Variants in KRT86 observed in about 807,000 individuals in gnomAD.
The protein encoded by KRT86 is keratin, type II cuticular Hb6.
Under a neutral mutation model 41.2 loss-of-function variants are expected in KRT86, and 30 were observed. That is an observed-to-expected ratio of 0.73 (90% CI 0.54 to 0.99). The LOEUF (loss-of-function observed/expected upper bound fraction) is 0.99, where lower values mean the gene tolerates loss of function less well. KRT86 is among the 50% of genes least tolerant of loss of function. The pLI, the probability that KRT86 is intolerant of heterozygous loss-of-function variation, is 0.00. For missense variants in KRT86, 561 were observed against 571.4 expected (o/e 0.98, Z 0.19); for synonymous variants, 238 against 238.1 (o/e 1.00, Z 0.00).
chr12:52,295,104 G>A (rs1036527288), intron 2 of KRT86, among the ~76,000 whole-genome samples: 2 of 152,160 alleles, frequency 1.3e-5, no homozygotes, highest in African/African-American at 4.8e-5. Flanking sequence ...TTATGCAAGA[G>A]TTTTTCTGGG....
chr12:52,299,643 T>A (rs1211586246), intron 2 of KRT86, among the ~76,000 whole-genome samples: 1 of 152,238 alleles, frequency 6.6e-6, no homozygotes, highest in Non-Finnish European at 1.5e-5. Context: ...GTCATTTTAA[T>A]TGGGTTGAGA....
At chr12:52,287,588 C>G (rs1730071919) in intron 2 of KRT86, 2 of 1,613,898 alleles carry the variant, frequency 1.2e-6, no homozygotes, top group Middle Eastern at 1.7e-4. Flanking sequence ...CGCACAGATG[C>G]CCCATACCTG....
intron 9 of KRT86, 47 bp downstream of exon 9, chr12:52,306,327 A>G (rs530607491): frequency 6.2e-7 from 1 of 1,612,502 alleles, no homozygotes; most frequent in South Asian, 1.1e-5. Flanking sequence ...CAGGGTTCTC[A>G]GTGTGCTCTG....
intron 2 of KRT86, chr12:52,287,497 G>C (rs979808341): frequency 6.8e-6 from 11 of 1,607,640 alleles, no homozygotes; most frequent in Non-Finnish European, 9.4e-6. Context: ...GACAAAGGGG[G>C]TGGAGAATGA....
At chr12:52,284,037 A>C (rs565442464) in intron 2 of KRT86, among the ~76,000 whole-genome samples, 38 of 152,268 alleles carry the variant, frequency 2.5e-4, no homozygotes, top group African/African-American at 7.5e-4. Flanking sequence ...GAAATACGGC[A>C]GGTCACTAAG....
chr12:52,301,584 C>A (rs1028983823), intron 2 of KRT86, among the ~76,000 whole-genome samples: 1 of 152,160 alleles, frequency 6.6e-6, no homozygotes, highest in Non-Finnish European at 1.5e-5. Flanking sequence ...CTTCGTCCAA[C>A]GTCAGTTTCC....
chr12:52,284,795 A>T (rs1040476811), intron 2 of KRT86, among the ~76,000 whole-genome samples: 1 of 152,104 alleles, frequency 6.6e-6, no homozygotes, highest in Non-Finnish European at 1.5e-5. Flanking sequence ...TTAAAGATGT[A>T]TGTTCAGGGA....
intron 3 of KRT86, among the ~76,000 whole-genome samples, 172 bp from the exon 4 acceptor site, chr12:52,302,926 CAG>C (rs1469115557): frequency 3.9e-5 from 5 of 128,256 alleles, no homozygotes; most frequent in Non-Finnish European, 8.4e-5. Context: ...AATCTAGACA[CAG>C]ATCATGACCA....
chr12:52,291,525 A>G, intron 2 of KRT86: 1 of 1,601,756 alleles, frequency 6.2e-7, no homozygotes, highest in Non-Finnish European at 8.5e-7. Flanking sequence ...TCCTGATGGA[A>G]ACTCCAATGT....
rs1555188311 is a variant in KRT86 at position 52,308,215 on chromosome 12, C to CGCCT, written c.1248-17_1248-14dup. 6.2e-7 allele frequency: 1 copy of CGCCT among 1,614,188 alleles called. No individual in the cohort carries two copies. Among genetic ancestry groups the CGCCT allele is most frequent in the South Asian group, 1.1e-5 (1 of 91,088 alleles). ...CGCCTTTTCCGCGGCACTGACCTCT[C>CGCCT]GCCTTCTCTCCCTGCAGGCTGTGCG... On this transcript the variant is annotated splice_polypyrimidine_tract_variant and intron_variant, in intron 9 of 10. Coordinates refer to ENST00000423955, the MANE Select transcript of KRT86 (RefSeq NM_001320198.2).
intron 2 of KRT86, among the ~76,000 whole-genome samples, chr12:52,294,318 G>T (rs1938200892): frequency 6.6e-6 from 1 of 152,150 alleles, no homozygotes; most frequent in Non-Finnish European, 1.5e-5. Context: ...AATTACTAAT[G>T]GCTGGTCCTT....
At chr12:52,279,602 T>C (rs1476808636) in intron 2 of KRT86, among the ~76,000 whole-genome samples, 2 of 152,152 alleles carry the variant, frequency 1.3e-5, no homozygotes, top group Non-Finnish European at 2.9e-5. Context: ...CAGACAAACC[T>C]GGCTGCGGTG....
intron 2 of KRT86, among the ~76,000 whole-genome samples, chr12:52,298,707 T>G (rs1031795517): frequency 6.6e-6 from 1 of 152,156 alleles, no homozygotes; most frequent in South Asian, 2.1e-4. Context: ...AGCTAGAGAG[T>G]GGCAGAGCTA....
chr12:52,304,786 G>A (rs1208368416), intron 5 of KRT86, 146 bp from the exon 6 acceptor site: 22 of 951,752 alleles, frequency 2.3e-5, no homozygotes, highest in Non-Finnish European at 3.1e-5. Flanking sequence ...GGTCACCCCG[G>A]GAAGGGCCAG....
chr12:52,274,914 A>T (rs151152387), intron 1 of KRT86, 192 bp downstream of exon 1: 1 of 166,520 alleles, frequency 6.0e-6, no homozygotes, highest in Non-Finnish European at 1.2e-5. Flanking sequence ...AAAGTTTGCA[A>T]TGGGCTGGTG....
chr12:52,279,918 T>C (rs1030157229), intron 2 of KRT86, among the ~76,000 whole-genome samples: 3 of 152,082 alleles, frequency 2.0e-5, no homozygotes, highest in African/African-American at 7.2e-5. Context: ...GAAGACACTC[T>C]AGGATTCCTG....
intron 2 of KRT86, among the ~76,000 whole-genome samples, chr12:52,288,824 C>T (rs984075329): frequency 2.0e-5 from 3 of 152,066 alleles, no homozygotes; most frequent in African/African-American, 7.3e-5. Context: ...CTTCTCCATC[C>T]CCCCTTAGAC....
intron 2 of KRT86, among the ~76,000 whole-genome samples, chr12:52,283,488 T>G: frequency 6.9e-6 from 1 of 143,952 alleles, no homozygotes; most frequent in Non-Finnish European, 1.5e-5. Context: ...TTTTTTTTTT[T>G]TTTTTTTGAG....
chr12:52,281,073 G>T (rs562185511), intron 2 of KRT86, among the ~76,000 whole-genome samples: 1 of 152,322 alleles, frequency 6.6e-6, no homozygotes, highest in African/African-American at 2.4e-5. Flanking sequence ...CAATGTTTGT[G>T]GTTTGGAGAC....
Sources: allele counts gnomAD v4.1 joint callset (sites outside exome capture counted in the v4.1 genomes callset), GRCh38; gene constraint gnomAD v4.1.1; transcripts MANE v1.5; gene names NCBI Gene and HGNC (gene_info 2026-07-23, HGNC 2026-07-21).